Variants in INPP4B observed in about 807,000 individuals in gnomAD.
INPP4B encodes inositol polyphosphate 4-phosphatase type II.
INPP4B carries 55 observed loss-of-function variants against 122.5 expected under a neutral mutation model. That is an observed-to-expected ratio of 0.45 (90% CI 0.36 to 0.56). The LOEUF is 0.56. INPP4B is among the 20% of genes least tolerant of loss of function. The pLI, the probability that INPP4B is intolerant of heterozygous loss-of-function variation, is 0.00. For synonymous variants in INPP4B, 403 were observed against 388.7 expected (o/e 1.04, Z -0.43); for missense variants, 1,000 against 1,097.7 (o/e 0.91, Z 1.26).
intron 2 of INPP4B, among the ~76,000 whole-genome samples, chr4:142,524,511 T>G (rs1014176893): frequency 3.9e-5 from 6 of 152,092 alleles, no homozygotes; most frequent in African/African-American, 1.4e-4. Flanking sequence ...GTTGTTTGTT[T>G]TTTTCTTGTA....
intron 2 of INPP4B, among the ~76,000 whole-genome samples, chr4:142,715,102 CTGAG>C (rs1256577173): frequency 1.3e-5 from 2 of 152,090 alleles, no homozygotes. Context: ...GAGCTCAAAC[CTGAG>C]TAAGAGAGAC....
intron 1 of INPP4B, among the ~76,000 whole-genome samples, chr4:142,831,662 A>AT (rs1472929685): frequency 6.6e-6 from 1 of 152,110 alleles, no homozygotes; most frequent in Non-Finnish European, 1.5e-5. Context: ...TTCAAAAAGC[A>AT]TTTTTTCCTC....
intron 7 of INPP4B, among the ~76,000 whole-genome samples, chr4:142,377,216 C>T (rs920585555): frequency 6.6e-5 from 10 of 151,588 alleles, no homozygotes; most frequent in Non-Finnish European, 1.5e-4. Context: ...GTCCATTTCA[C>T]GAATTTTTCC....
intron 25 of INPP4B, among the ~76,000 whole-genome samples, chr4:142,053,923 A>G (rs1203936047): frequency 1.3e-4 from 20 of 152,132 alleles, no homozygotes; most frequent in Admixed American, 1.3e-3. Flanking sequence ...GTGTTTTAGA[A>G]TAAAATAGGA....
intron 8 of INPP4B, among the ~76,000 whole-genome samples, chr4:142,313,278 G>T (rs1198760199): frequency 6.6e-6 from 1 of 152,160 alleles, no homozygotes; most frequent in Non-Finnish European, 1.5e-5. Context: ...GTGGAGTGGG[G>T]TCGGGGCAGG....
chr4:142,195,880 C>A (rs1837986068), intron 14 of INPP4B, among the ~76,000 whole-genome samples: 1 of 152,080 alleles, frequency 6.6e-6, no homozygotes, highest in African/African-American at 2.4e-5. Flanking sequence ...AGTGGCAGGC[C>A]CTGACACTTC....
intron 2 of INPP4B, among the ~76,000 whole-genome samples, chr4:142,645,059 A>G (rs1367803542): frequency 6.6e-6 from 1 of 152,154 alleles, no homozygotes; most frequent in East Asian, 1.9e-4. Flanking sequence ...TTGACAGTGT[A>G]TGCTACTAGT....
chr4:142,478,801 T>A (rs914111369), intron 2 of INPP4B, among the ~76,000 whole-genome samples: 5 of 152,180 alleles, frequency 3.3e-5, no homozygotes, highest in African/African-American at 1.2e-4. Context: ...ACTGGCCTCA[T>A]AGAATGAGCT....
chr4:142,073,019 G>A (rs1390310334), intron 25 of INPP4B, among the ~76,000 whole-genome samples: 2 of 152,060 alleles, frequency 1.3e-5, no homozygotes, highest in East Asian at 3.9e-4. Context: ...GGGGCAGCCT[G>A]CTCTTTGCTG....
chr4:142,349,531 T>A lies in INPP4B; in HGVS notation c.373-34769A>T, dbSNP rs571573914. ...TTAGATGTAAGTAGAATCTCATTGA[T>A]CAGCTTTTCCATTTTCTTGCAAAGG... On this transcript the variant is annotated intron_variant, in intron 7 of 25. Transcript: ENST00000262992. Among the ~76,000 whole-genome samples, 23 of 152,158 alleles carry A rather than the reference T, an allele frequency of 1.5e-4. No homozygotes were observed. The South Asian group carries it at 4.6e-3, about 30-fold the overall frequency.
At chr4:142,415,433 T>G (rs918544414) in intron 5 of INPP4B, among the ~76,000 whole-genome samples, 6 of 151,808 alleles carry the variant, frequency 4.0e-5, no homozygotes, top group African/African-American at 1.4e-4. Context: ...ATCAGAGAAA[T>G]GCAAATCAAA....
At chr4:142,450,461 A>G (rs961036803) in intron 3 of INPP4B, among the ~76,000 whole-genome samples, 5 of 152,208 alleles carry the variant, frequency 3.3e-5, no homozygotes, top group African/African-American at 9.6e-5. Context: ...AATCAATTCT[A>G]TAAAATACCA....
chr4:142,420,943 C>T (rs915292178), intron 5 of INPP4B, among the ~76,000 whole-genome samples: 4 of 152,082 alleles, frequency 2.6e-5, no homozygotes, highest in African/African-American at 9.7e-5. Flanking sequence ...ATAAGTTAAC[C>T]AACCACTTAC....
intron 7 of INPP4B, among the ~76,000 whole-genome samples, chr4:142,349,586 C>T (rs566155729): frequency 6.6e-6 from 1 of 152,058 alleles, no homozygotes; most frequent in Non-Finnish European, 1.5e-5. Flanking sequence ...ATATAAAATA[C>T]AGGCCTTTTT....
intron 1 of INPP4B, among the ~76,000 whole-genome samples, chr4:142,757,542 C>A (rs559317537): frequency 6.6e-6 from 1 of 152,208 alleles, no homozygotes; most frequent in African/African-American, 2.4e-5. Flanking sequence ...AGCATATAAC[C>A]TTTTCATGTT....
chr4:142,341,855 G>A (rs1159896346), intron 7 of INPP4B, among the ~76,000 whole-genome samples: 1 of 152,104 alleles, frequency 6.6e-6, no homozygotes, highest in Non-Finnish European at 1.5e-5. Flanking sequence ...GGAGTCTTCA[G>A]TCATACAGCC....
chr4:142,405,352 A>G, intron 5 of INPP4B, 28 bp from the exon 6 acceptor site: 1 of 1,326,936 alleles, frequency 7.5e-7, no homozygotes, highest in South Asian at 1.2e-5. Flanking sequence ...GACAGAAAGA[A>G]AAGAAACTAA....
At position 142,353,908 on chromosome 4, in the gene INPP4B, TC is replaced by T. The variant is rs1006537720; in HGVS notation, c.373-39147del. Among the ~76,000 whole-genome samples, 9 of 152,062 alleles carry T rather than the reference TC, an allele frequency of 5.9e-5. No homozygotes were observed. The Middle Eastern group carries it at 0.01, about 172-fold the overall frequency. ...AAATGGTTTCTAAAATGTTTTTGAT[TC>T]CAAAATTCTATGAGTTTTTATCTTC... is the stretch of plus-strand genomic sequence containing the variant. On this transcript the variant is annotated intron_variant, in intron 7 of 25. Coordinates refer to ENST00000262992, the MANE Select transcript of INPP4B (RefSeq NM_001101669.3).
At chr4:142,705,438 C>G (rs553968429) in intron 2 of INPP4B, among the ~76,000 whole-genome samples, 2 of 146,664 alleles carry the variant, frequency 1.4e-5, no homozygotes, top group East Asian at 2.0e-4. Flanking sequence ...TACCAAGTCT[C>G]TCTACCCATT....
Sources: gnomAD v4.1 joint callset for allele counts (sites outside exome capture counted in the v4.1 genomes callset) on GRCh38, gnomAD v4.1.1 for gene constraint, MANE v1.5 for transcripts, NCBI Gene and HGNC (gene_info 2026-07-23, HGNC 2026-07-21) for gene names.